The following PA2G4 variants were observed in gnomAD, a reference collection of about 807,000 sequenced individuals.
PA2G4 encodes the protein proliferation-associated 2G4, also known as proliferation-associated protein 2G4.
PA2G4 carries 8 observed loss-of-function variants against 53.3 expected under a neutral mutation model. The observed-to-expected ratio is 0.15, with a 90% CI of 0.09 to 0.27. The LOEUF is 0.27. PA2G4 is among the 10% of genes least tolerant of loss of function. PA2G4 has a pLI of 1.00. For missense variants in PA2G4, 208 were observed against 486.8 expected (o/e 0.43, Z 5.39); for synonymous variants, 143 against 169.8 (o/e 0.84, Z 1.23).
chr12:56,112,043 G>A (rs1869437500), intron 12 of PA2G4, among the ~76,000 whole-genome samples: 1 of 152,108 alleles, frequency 6.6e-6, no homozygotes, highest in African/African-American at 2.4e-5. Context: ...GAATCTGGGA[G>A]GCAGAGGTTG....
Position 56,107,553 on chromosome 12 carries a change from T to C in PA2G4, c.426T>C (p.Val142=), listed in dbSNP as rs1341504173. The C allele has an allele frequency of 6.2e-7, 1 of 1,613,764 alleles. No individual in the cohort carries two copies. ...GTQVTGRKAD[V]IKAAHLCAEA... is the part of the protein sequence containing the mutation. Reference sequence around the variant, plus strand: ...AAGTAACAGGGAGGAAAGCAGATGTTATTAAGGCAGCTCACCTTTGTGCTG... The same window carrying C: ...AAGTAACAGGGAGGAAAGCAGATGTCATTAAGGCAGCTCACCTTTGTGCTG... Residue 142 remains valine, a synonymous_variant, in exon 5 of 13, where the codon GTT becomes GTC. Transcript: ENST00000303305.
In PA2G4 at chr12:56,107,190, C is replaced by T. The variant is rs772303778; in HGVS notation, c.327C>T (p.Asp109=). 1.9e-6 allele frequency: 3 copies of T among 1,613,588 alleles called. No homozygotes were observed. Among genetic ancestry groups the T allele is most frequent in the Non-Finnish European group, 1.7e-6 (2 of 1,179,556 alleles). Residue 109 remains aspartate, a synonymous_variant, in exon 4 of 13, where the codon GAC becomes GAT. Coordinates refer to ENST00000303305, the MANE Select transcript of PA2G4 (RefSeq NM_006191.3). ...ILKEGDLVKI[D]LGVHVDGFIA... The stretch of plus-strand genomic sequence containing the variant: ...GTACTCTGATCTTGCCTTTCAGTGA[C>T]CTTGGGGTCCATGTGGATGGCTTCA...
intron 12 of PA2G4, among the ~76,000 whole-genome samples, chr12:56,111,987 G>A (rs1242498911): frequency 1.3e-5 from 2 of 151,586 alleles, no homozygotes; most frequent in African/African-American, 2.4e-5. Context: ...GGTGGCACAC[G>A]CTTATAATCC....
Position 56,112,975 on chromosome 12 carries a change from C to A in PA2G4, c.*87C>A. 2 of 846,886 alleles carry A rather than the reference C, an allele frequency of 2.4e-6. No homozygotes were observed. Among genetic ancestry groups the A allele is most frequent in the Non-Finnish European group, 3.6e-6 (2 of 558,150 alleles). The allele number at this position is 846,886 out of a possible 1,614,324, so 52.5% of individuals were successfully genotyped here. A position where few individuals can be genotyped will look rare whatever the true frequency, so the allele number is the denominator to read the frequency against. ...CTCTGTGAAGTGCAGTTCTTCTCCA[C>A]CTAGGACCGCCAGCAGAGCGGGGGG... On this transcript the variant is annotated 3_prime_UTR_variant, in exon 13 of 13. Coordinates refer to ENST00000303305, the MANE Select transcript of PA2G4 (RefSeq NM_006191.3).
At position 56,111,501 on chromosome 12, in the gene PA2G4, G is replaced by A. The variant is rs1184260509; in HGVS notation, c.1091G>A (p.Arg364Gln). ...GCCCTCCTCCAGAGTTCTGCAAGTCGAAAAACCCAGAAAAAGAAAAAAAAG... is the reference window on the plus strand; with the variant it reads ...GCCCTCCTCCAGAGTTCTGCAAGTCAAAAAACCCAGAAAAAGAAAAAAAAG... ...LKALLQSSAS[R>Q]KTQKKKKKKA... The change falls in exon 12 of 13, where the codon CGA becomes CAA. Residue 364 changes from arginine (R) to glutamine (Q), a missense_variant. Arg to Gln is a conservative substitution (Grantham distance 43). Around this residue, in one of 3 missense-constraint regions of PA2G4, gnomAD observed 50 missense variants for 82.3 expected, o/e 0.61. Coordinates refer to ENST00000303305, the MANE Select transcript of PA2G4 (RefSeq NM_006191.3). The A allele has an allele frequency of 1.9e-6, 3 of 1,612,972 alleles. No homozygotes were observed. Among genetic ancestry groups the A allele is most frequent in the East Asian group, 2.2e-5 (1 of 44,852 alleles).
Position 56,107,275 on chromosome 12 carries a change from ATC to A in PA2G4, c.393+23_393+24del. On this transcript the variant is annotated intron_variant, in intron 4 of 12. Transcript: ENST00000303305. ...AGCTCAGGTAGGTGGCCTGCTTTTG[ATC>A]TCTGTTTAGCCTTGGGGTAGAGGGA... is the stretch of plus-strand genomic sequence containing the variant. 6.3e-7 allele frequency: 1 copy of A among 1,596,052 alleles called. No homozygotes were observed. The highest frequency in any genetic ancestry group is 8.6e-7 in the Non-Finnish European group (1 of 1,165,128).
intron 5 of PA2G4, 106 bp from the exon 6 acceptor site, chr12:56,109,124 C>CAAA (rs59103730): frequency 5.5e-4 from 210 of 382,316 alleles, no homozygotes; most frequent in South Asian, 7.9e-4. Context: ...GACTCCATCT[C>CAAA]AAAAAAAAAA....
rs1340264229 is a variant in PA2G4 at position 56,113,621 on chromosome 12, A to G, written c.*733A>G. 1.0e-5 allele frequency: 6 copies of G among 578,570 alleles called. No individual in the cohort carries two copies. Among genetic ancestry groups the G allele is most frequent in the African/African-American group, 9.3e-5 (5 of 53,498 alleles). The allele number at this position is 578,570 out of a possible 1,614,324, so 35.8% of individuals were successfully genotyped here. ...TCTTTCCTCGCTCCATCTTACACAG[A>G]CCTGAGCTGGAAGCTCAACTGGTTT... On this transcript the variant is annotated 3_prime_UTR_variant, in exon 13 of 13. Coordinates refer to ENST00000303305, the MANE Select transcript of PA2G4 (RefSeq NM_006191.3).
At chr12:56,106,353 G>A in intron 1 of PA2G4, 1 of 366,740 alleles carries the variant, frequency 2.7e-6, no homozygotes, top group Non-Finnish European at 4.9e-6. Flanking sequence ...ACTCTGTCCT[G>A]TCACACCAAA....
At chr12:56,110,941 C>A (rs1305504721) in intron 9 of PA2G4, 23 bp from the exon 10 acceptor site, 1 of 1,605,020 alleles carries the variant, frequency 6.2e-7, no homozygotes, top group East Asian at 2.2e-5. Context: ...AAAGATACCT[C>A]TGAATATCAT....
At chr12:56,105,665 T>C (rs1031943464) in intron 1 of PA2G4, among the ~76,000 whole-genome samples, 1 of 152,204 alleles carries the variant, frequency 6.6e-6, no homozygotes, top group Non-Finnish European at 1.5e-5. Flanking sequence ...GATTTTAGGA[T>C]TTTCACAAGT....
Position 56,112,858 on chromosome 12 carries a change from A to C in PA2G4, c.1155A>C (p.Glu385Asp). The C allele has an allele frequency of 6.3e-7, 1 of 1,580,340 alleles. No individual in the cohort carries two copies. Among genetic ancestry groups the C allele is most frequent in the South Asian group, 1.2e-5 (1 of 85,858 alleles). Residue 385 changes from glutamate (E) to aspartate (D), a missense_variant, in exon 13 of 13, where the codon GAA (glutamate) becomes GAC (aspartate). By Grantham distance (45) the Glu-to-Asp change is conservative. Coordinates refer to ENST00000303305, the MANE Select transcript of PA2G4 (RefSeq NM_006191.3). The part of the protein sequence containing the change: ...SKTAENATSG[E>D]TLEENEAGD ...CTGCAGAGAATGCCACCAGTGGGGAAACATTAGAAGAAAATGAAGCTGGGG... is the reference window on the plus strand; with the variant it reads ...CTGCAGAGAATGCCACCAGTGGGGACACATTAGAAGAAAATGAAGCTGGGG...
At chr12:56,112,785 A>T in intron 12 of PA2G4, 38 bp from the exon 13 acceptor site, 1 of 1,392,694 alleles carries the variant, frequency 7.2e-7, no homozygotes, top group Non-Finnish European at 1.0e-6. Context: ...GTAGTTAGAA[A>T]CTGACAGGTC....
chr12:56,104,634 T>C lies in PA2G4; in HGVS notation c.-104T>C. On this transcript the variant is annotated 5_prime_UTR_variant, in exon 1 of 13. Transcript: ENST00000303305. ...CTTGCTCGCGCTTTCGCTCGCCCTCTCCTCGAGGATCGAGGGGACTCTGAC... is the reference window on the plus strand; with the variant it reads ...CTTGCTCGCGCTTTCGCTCGCCCTCCCCTCGAGGATCGAGGGGACTCTGAC... 9.1e-7 allele frequency: 1 copy of C among 1,094,508 alleles called. No individual in the cohort carries two copies. The highest frequency in any genetic ancestry group is 1.4e-6 in the Non-Finnish European group (1 of 705,326). The allele number at this position is 1,094,508 out of a possible 1,614,324, so 67.8% of individuals were successfully genotyped here. A position where few individuals can be genotyped will look rare whatever the true frequency, so the allele number is the denominator to read the frequency against.
intron 12 of PA2G4, among the ~76,000 whole-genome samples, chr12:56,112,101 C>T (rs900728171): frequency 3.3e-5 from 5 of 152,200 alleles, no homozygotes; most frequent in Admixed American, 1.3e-4. Context: ...GCAACAAGAG[C>T]GAAACTCTGT....
intron 12 of PA2G4, 44 bp downstream of exon 12, chr12:56,111,573 T>G (rs748643104): frequency 1.1e-5 from 17 of 1,504,122 alleles, no homozygotes; most frequent in Non-Finnish European, 1.4e-5. Context: ...GTGAACCTGA[T>G]CCCTCTTTCT....
chr12:56,107,464 G>A, intron 4 of PA2G4, 57 bp from the exon 5 acceptor site: 2 of 1,300,092 alleles, frequency 1.5e-6, no homozygotes, highest in African/African-American at 2.9e-5. Flanking sequence ...TAACCAGATA[G>A]CCAGCTGAGT....
rs1869480113 is a variant in PA2G4 at position 56,113,687 on chromosome 12, G to GA, written c.*804dup. 3.3e-6 allele frequency: 2 copies of GA among 602,582 alleles called. No individual in the cohort carries two copies. Among genetic ancestry groups the GA allele is most frequent in the African/African-American group, 3.7e-5 (2 of 53,892 alleles). The allele number at this position is 602,582 out of a possible 1,614,324, so 37.3% of individuals were successfully genotyped here. A position where few individuals can be genotyped will look rare whatever the true frequency, so the allele number is the denominator to read the frequency against. ...ATATTGTGATCTCCCTCCCATGAAA[G>GA]AAAAACCAAGAACCAGAGGCGTAGA... On this transcript the variant is annotated 3_prime_UTR_variant, in exon 13 of 13. Coordinates refer to ENST00000303305, the MANE Select transcript of PA2G4 (RefSeq NM_006191.3).
rs191988316 is a variant in PA2G4, at chr12:56,109,850, T to C, written c.551-7T>C. On this transcript the variant is annotated splice_polypyrimidine_tract_variant and splice_region_variant and intron_variant, in intron 6 of 12. Coordinates refer to ENST00000303305, the MANE Select transcript of PA2G4 (RefSeq NM_006191.3). ...AGCTTGTTCCATAGGTTGTGTACTA[T>C]CTACAGGTATGCTGTCACACCAGTT... 3 of 1,607,760 alleles carry C rather than the reference T, an allele frequency of 1.9e-6. No individual in the cohort carries two copies. The highest frequency in any genetic ancestry group is 3.3e-5 in the Admixed American group (2 of 60,016).
Sources: allele counts gnomAD v4.1 joint callset (sites outside exome capture counted in the v4.1 genomes callset), GRCh38; gene constraint gnomAD v4.1.1; regional missense constraint gnomAD v4.1.1; transcripts MANE v1.5; gene names NCBI Gene and HGNC (gene_info 2026-07-23, HGNC 2026-07-21).